RANBP3: variants seen among roughly 807,000 people sequenced by gnomAD.
RANBP3 encodes the protein RAN binding protein 3.
Under a neutral mutation model 77.3 loss-of-function variants are expected in RANBP3, and 14 were observed. The ratio of observed to expected loss-of-function variants is 0.18; its 90% CI spans 0.12 to 0.28. The LOEUF (loss-of-function observed/expected upper bound fraction) is 0.28, where lower values mean the gene tolerates loss of function less well. Ranked by LOEUF, RANBP3 falls within the 10% of genes least tolerant of loss-of-function variation. The probability of loss-of-function intolerance (pLI) is 1.00; values close to 1 mark genes in which losing one functional copy is unlikely to be tolerated. For missense variants in RANBP3, 586 were observed against 752.3 expected (o/e 0.78, Z 2.59); for synonymous variants, 315 against 312.4 (o/e 1.01, Z -0.09).
chr19:5,926,714 G>C (rs987611222), intron 9 of RANBP3, among the ~76,000 whole-genome samples: 3 of 152,072 alleles, frequency 2.0e-5, no homozygotes, highest in African/African-American at 7.2e-5. Flanking sequence ...ATTCCACAGG[G>C]CCTGAACTCC....
At chr19:5,918,388 G>GCCCCCCCCC in intron 15 of RANBP3, 108 bp downstream of exon 15, 1 of 688,310 alleles carries the variant, frequency 1.5e-6, no homozygotes, top group South Asian at 2.3e-5. Flanking sequence ...AGCAACTGAA[G>GCCCCCCCCC]CCCCTCCCCC....
At chr19:5,956,784 C>T (rs1232050594) in intron 2 of RANBP3, among the ~76,000 whole-genome samples, 1 of 152,214 alleles carries the variant, frequency 6.6e-6, no homozygotes, top group Non-Finnish European at 1.5e-5. Flanking sequence ...GCAGCTGAGT[C>T]CCAGATCATG....
At position 5,952,629 on chromosome 19, in the gene RANBP3, C is replaced by T. The variant is rs1376243537; in HGVS notation, c.79-1033G>A. On this transcript the variant is annotated intron_variant, in intron 2 of 16. Coordinates refer to ENST00000340578, the MANE Select transcript of RANBP3 (RefSeq NM_007322.3). This position sits in a 1 kb window ranked among gnomAD's most constrained non-coding sequence, Gnocchi z 4.1. Reference sequence around the variant, plus strand: ...CAGGGCTGCCCCGTCTCCCCGTGGACGTGGCTGTGCTTCTTCTTGGGTGTG... The same window carrying T: ...CAGGGCTGCCCCGTCTCCCCGTGGATGTGGCTGTGCTTCTTCTTGGGTGTG... Among the ~76,000 whole-genome samples, 5 of 152,322 alleles carry T rather than the reference C, an allele frequency of 3.3e-5. No individual in the cohort carries two copies. The highest frequency in any genetic ancestry group is 1.3e-4 in the Admixed American group (2 of 15,302).
chr19:5,939,319 A>G (rs1017906594), intron 5 of RANBP3, among the ~76,000 whole-genome samples: 5 of 152,206 alleles, frequency 3.3e-5, no homozygotes, highest in Admixed American at 3.3e-4. Flanking sequence ...AGAAACAAAC[A>G]TGAGGGCTTA....
chr19:5,957,459 G>A (rs2058348318), intron 2 of RANBP3, among the ~76,000 whole-genome samples: 1 of 152,086 alleles, frequency 6.6e-6, no homozygotes, highest in South Asian at 2.1e-4. Context: ...CGTACGCCCA[G>A]CTCGTTAGGG....
At chr19:5,963,731 C>T (rs1417711222) in intron 1 of RANBP3, among the ~76,000 whole-genome samples, 1 of 152,196 alleles carries the variant, frequency 6.6e-6, no homozygotes, top group Non-Finnish European at 1.5e-5. Context: ...CTTCCTTGGA[C>T]ACAAGTCACC....
chr19:5,929,795 C>A (rs1026156987), intron 8 of RANBP3, among the ~76,000 whole-genome samples: 8 of 152,234 alleles, frequency 5.3e-5, no homozygotes, highest in Non-Finnish European at 8.8e-5. Flanking sequence ...GCGAGCCTGG[C>A]GAATCTCAAC....
Position 5,932,472 on chromosome 19 carries a change from G to A in RANBP3, c.545C>T (p.Pro182Leu), listed in dbSNP as rs1360046688. 1.9e-6 allele frequency: 3 copies of A among 1,613,880 alleles called. No individual in the cohort carries two copies. The South Asian group carries it at 3.3e-5, about 18-fold the overall frequency. The change falls in exon 7 of 17, where the codon CCA becomes CTA. Residue 182 changes from proline (P) to leucine (L), a missense_variant. This residue lies in a region of RANBP3 where 232 missense variants were observed against 271.7 expected (regional missense o/e 0.85). Coordinates refer to ENST00000340578, the MANE Select transcript of RANBP3 (RefSeq NM_007322.3). The part of the protein sequence containing the change: ...LRPAVLQAPQ[P>L]KALSQTVPSS... ...CTTACCAGTCTGGGACAGCGCCTTTGGCTGCGGAGCTTGTAACACTGCCGG... is the reference window on the plus strand; with the variant it reads ...CTTACCAGTCTGGGACAGCGCCTTTAGCTGCGGAGCTTGTAACACTGCCGG...
At chr19:5,920,297 G>A (rs1315320658) in intron 14 of RANBP3, among the ~76,000 whole-genome samples, 1 of 152,188 alleles carries the variant, frequency 6.6e-6, no homozygotes, top group Non-Finnish European at 1.5e-5. Flanking sequence ...TACTCAGGAG[G>A]CTGAGGTGGG....
intron 5 of RANBP3, among the ~76,000 whole-genome samples, chr19:5,939,797 C>T (rs1163179297): frequency 5.9e-5 from 9 of 152,196 alleles, no homozygotes; most frequent in African/African-American, 1.9e-4. Context: ...TCCAGCCCGA[C>T]GGCCTTGATC....
At chr19:5,949,137 C>T (rs2058244058) in intron 3 of RANBP3, among the ~76,000 whole-genome samples, 1 of 152,160 alleles carries the variant, frequency 6.6e-6, no homozygotes, top group African/African-American at 2.4e-5. Flanking sequence ...AGTGAACAGA[C>T]TAGATGTGAC....
In RANBP3 at chr19:5,924,979, G is replaced by T; in HGVS notation, c.918-74C>A. ...CCAGGCAAATGTATGGGTACCCATG[G>T]AGCACACACTGACACAGAGGGCACA... On this transcript the variant is annotated intron_variant, in intron 10 of 16. Transcript: ENST00000340578. This position sits in a 1 kb window ranked among gnomAD's most constrained non-coding sequence, Gnocchi z 4.7. 7.4e-7 allele frequency: 1 copy of T among 1,349,828 alleles called. No homozygotes were observed. The highest frequency in any genetic ancestry group is 1.2e-5 in the South Asian group (1 of 85,556). The allele number at this position is 1,349,828 out of a possible 1,614,324, so 83.6% of individuals were successfully genotyped here. A position where few individuals can be genotyped will look rare whatever the true frequency, so the allele number is the denominator to read the frequency against.
rs1289358722 is a variant in RANBP3 at position 5,917,163 on chromosome 19, G to C, written c.*447C>G. On this transcript the variant is annotated 3_prime_UTR_variant, in exon 17 of 17. Transcript: ENST00000340578. ...GGGCGGGGGTCCCAGGCCTATAGTT[G>C]GGGAGCCCTGGGCAGGGGCAGAGGG... 4.4e-6 allele frequency: 1 copy of C among 227,226 alleles called. No individual in the cohort carries two copies. The highest frequency in any genetic ancestry group is 8.9e-6 in the Non-Finnish European group (1 of 112,368). 14.1% of individuals were successfully genotyped at this position (227,226 alleles called of 1,614,324 possible).
intron 3 of RANBP3, among the ~76,000 whole-genome samples, chr19:5,943,085 C>T (rs2058160021): frequency 6.6e-6 from 1 of 152,226 alleles, no homozygotes; most frequent in South Asian, 2.1e-4. Context: ...CACAATCCCT[C>T]ATTTATGTCC....
chr19:5,937,650 G>C (rs2058083736), intron 5 of RANBP3, among the ~76,000 whole-genome samples: 1 of 152,224 alleles, frequency 6.6e-6, no homozygotes, highest in African/African-American at 2.4e-5. Context: ...AAGGCAGGCA[G>C]ACAAGGATGT....
chr19:5,927,925 G>C (rs763596015), intron 9 of RANBP3, 43 bp downstream of exon 9: 2 of 1,572,126 alleles, frequency 1.3e-6, no homozygotes, highest in African/African-American at 2.7e-5. Context: ...TGAACCTGGG[G>C]AAGGCATAAA....
chr19:5,918,070 A>C, intron 15 of RANBP3, 90 bp from the exon 16 acceptor site: 1 of 1,398,170 alleles, frequency 7.2e-7, no homozygotes, highest in South Asian at 1.4e-5. Flanking sequence ...CCCAAGGTTC[A>C]GAGGTGACAC....
intron 12 of RANBP3, 142 bp downstream of exon 12, chr19:5,923,670 G>A: frequency 4.6e-6 from 3 of 655,666 alleles, no homozygotes; most frequent in Non-Finnish European, 8.1e-6. Context: ...TGCAAGGCAG[G>A]GCCCTGGAGC....
chr19:5,946,200 C>T (rs767785044), intron 3 of RANBP3, among the ~76,000 whole-genome samples: 1 of 152,208 alleles, frequency 6.6e-6, no homozygotes, highest in Non-Finnish European at 1.5e-5. Flanking sequence ...CTGTTTTGTT[C>T]TATCACATAG....
Sources: allele counts gnomAD v4.1 joint callset (sites outside exome capture counted in the v4.1 genomes callset), GRCh38; gene constraint gnomAD v4.1.1; regional missense constraint gnomAD v4.1.1; non-coding constraint Gnocchi (gnomAD v3.1); transcripts MANE v1.5; gene names NCBI Gene and HGNC (gene_info 2026-07-23, HGNC 2026-07-21).